Variants in AKAP13 observed in about 807,000 individuals in gnomAD.
AKAP13 encodes the protein A-kinase anchor protein 13.
A neutral mutation model predicts 264.5 loss-of-function variants in AKAP13; 80 were observed. The observed-to-expected ratio is 0.30, with a 90% confidence interval of 0.25 to 0.36. The LOEUF (loss-of-function observed/expected upper bound fraction) is 0.36, where lower values mean the gene tolerates loss of function less well. AKAP13 is among the 10% of genes least tolerant of loss of function. AKAP13 has a pLI of 1.00. For missense variants in AKAP13, 3,712 were observed against 3,435.2 expected, an observed-to-expected ratio of 1.08 and a Z score of -2.01; for synonymous variants, 1,380 against 1,250.2, an observed-to-expected ratio of 1.10 and a Z score of -2.19.
At chr15:85,736,329 C>A (rs954764425) in intron 33 of AKAP13, among the ~76,000 whole-genome samples, 195 bp downstream of exon 33, 7 of 151,944 alleles carry the variant, frequency 4.6e-5, no homozygotes, top group African/African-American at 1.7e-4. Context: ...GGGGCACCAT[C>A]TTGGAATTTT....
intron 2 of AKAP13, among the ~76,000 whole-genome samples, chr15:85,515,591 T>C (rs543320471): frequency 7.2e-6 from 1 of 139,276 alleles, no homozygotes; most frequent in Non-Finnish European, 1.5e-5. Context: ...TTGTGTTTAG[T>C]TGGCAAATCT....
intron 1 of AKAP13, among the ~76,000 whole-genome samples, chr15:85,422,749 T>TCAG (rs2072580462): frequency 6.6e-6 from 1 of 152,252 alleles, no homozygotes; most frequent in African/African-American, 2.4e-5. Context: ...CAAACCCATC[T>TCAG]CAGCAATGCA....
chr15:85,455,787 A>T (rs1179623918), intron 1 of AKAP13, among the ~76,000 whole-genome samples: 3 of 152,198 alleles, frequency 2.0e-5, no homozygotes, highest in Non-Finnish European at 2.9e-5. Context: ...AAAACTCAAT[A>T]GATTACAGAT....
At chr15:85,656,489 C>G (rs372042169) in intron 11 of AKAP13, among the ~76,000 whole-genome samples, 1 of 152,200 alleles carries the variant, frequency 6.6e-6, no homozygotes, top group Non-Finnish European at 1.5e-5. Context: ...CTCTGTCACC[C>G]AGGCTGGAGT....
intron 6 of AKAP13, 66 bp downstream of exon 6, chr15:85,575,395 C>T: frequency 1.4e-6 from 2 of 1,443,912 alleles, no homozygotes; most frequent in Non-Finnish European, 9.7e-7. Context: ...ATGTGTGTGT[C>T]CCCGCCCTCC....
intron 1 of AKAP13, among the ~76,000 whole-genome samples, chr15:85,459,748 C>G (rs1046226530): frequency 2.0e-5 from 3 of 152,188 alleles, no homozygotes; most frequent in Non-Finnish European, 2.9e-5. Flanking sequence ...ATCCGCCTGC[C>G]TCAGCCTCCC....
intron 1 of AKAP13, among the ~76,000 whole-genome samples, chr15:85,405,620 A>G (rs2071624547): frequency 6.6e-6 from 1 of 152,200 alleles, no homozygotes; most frequent in African/African-American, 2.4e-5. Context: ...GAAATATGAG[A>G]TACAAAGAAG....
intron 17 of AKAP13, among the ~76,000 whole-genome samples, chr15:85,703,854 AT>A (rs1257766284): frequency 1.5e-3 from 166 of 108,546 alleles, no homozygotes; most frequent in African/African-American, 4.5e-3. Flanking sequence ...AAAAAAAAAA[AT>A]ATATATATAT....
At position 85,580,492 on chromosome 15, in the gene AKAP13, G is replaced by T; in HGVS notation, c.2424G>T (p.Gln808His). ...KDDALSFVPS[Q>H]KEKGTATPEL... Reference sequence around the variant, plus strand: ...ACGCACTTTCTTTTGTCCCCTCCCAGAAAGAAAAGGGAACAGCAACTCCTG... The same window carrying T: ...ACGCACTTTCTTTTGTCCCCTCCCATAAAGAAAAGGGAACAGCAACTCCTG... Residue 808 changes from glutamine (Q) to histidine (H), a missense_variant, in exon 7 of 37, where the codon CAG (glutamine) becomes CAT (histidine). Gln to His is a conservative substitution (Grantham distance 24). Transcript: ENST00000394518. 1 of 1,614,134 alleles carries T rather than the reference G, an allele frequency of 6.2e-7. No homozygotes were observed. The highest frequency in any genetic ancestry group is 8.5e-7 in the Non-Finnish European group (1 of 1,180,028).
At chr15:85,393,995 G>A (rs2070992974) in intron 1 of AKAP13, among the ~76,000 whole-genome samples, 3 of 152,152 alleles carry the variant, frequency 2.0e-5, no homozygotes, top group African/African-American at 7.2e-5. Flanking sequence ...TAGAATTGTG[G>A]AACTGTATTT....
At chr15:85,479,200 T>C (rs2075277582) in intron 1 of AKAP13, among the ~76,000 whole-genome samples, 1 of 152,248 alleles carries the variant, frequency 6.6e-6, no homozygotes, top group Non-Finnish European at 1.5e-5. Flanking sequence ...TTGTTCAGAA[T>C]TTCTAGCTCA....
chr15:85,642,417 G>A (rs890115826), intron 9 of AKAP13, among the ~76,000 whole-genome samples: 1 of 152,132 alleles, frequency 6.6e-6, no homozygotes, highest in Non-Finnish European at 1.5e-5. Flanking sequence ...TAGATATGCC[G>A]CTCCCCTTTA....
In AKAP13 at chr15:85,639,397, A is replaced by G. The variant is rs777242835; in HGVS notation, c.4185A>G (p.Thr1395=). 6.2e-7 allele frequency: 1 copy of G among 1,612,430 alleles called. No homozygotes were observed. Among genetic ancestry groups the G allele is most frequent in the Non-Finnish European group, 8.5e-7 (1 of 1,179,512 alleles). Residue 1395 remains threonine, a synonymous_variant, in exon 9 of 37, where the codon ACA becomes ACG. Coordinates refer to ENST00000394518, the MANE Select transcript of AKAP13 (RefSeq NM_007200.5). ...AGATAAACCGAGAAAACTGGTGTACAATAGAGCCATGCCCTGATGCAGCAT... is the reference window on the plus strand; with the variant it reads ...AGATAAACCGAGAAAACTGGTGTACGATAGAGCCATGCCCTGATGCAGCAT... ...TQAINRENWC[T]IEPCPDAASL... is the part of the protein sequence containing the mutation.
intron 1 of AKAP13, among the ~76,000 whole-genome samples, chr15:85,392,539 T>TA (rs1366453767): frequency 1.3e-5 from 2 of 152,182 alleles, no homozygotes; most frequent in Non-Finnish European, 2.9e-5. Flanking sequence ...AGAATAATCT[T>TA]AATCGTAAAT....
chr15:85,725,069 C>A (rs2087531384), intron 26 of AKAP13, among the ~76,000 whole-genome samples: 2 of 152,286 alleles, frequency 1.3e-5, no homozygotes, highest in Admixed American at 6.5e-5. Flanking sequence ...TTGCCTGGAT[C>A]CAGCGCTTTA....
intron 1 of AKAP13, among the ~76,000 whole-genome samples, chr15:85,382,639 A>G (rs1473087223): frequency 2.0e-5 from 3 of 152,222 alleles, no homozygotes; most frequent in Admixed American, 6.5e-5. Context: ...TGTAGGTACT[A>G]TTGTTTTAGG....
chr15:85,666,478 T>C (rs1193858714), intron 13 of AKAP13, among the ~76,000 whole-genome samples: 2 of 152,192 alleles, frequency 1.3e-5, no homozygotes, highest in Non-Finnish European at 2.9e-5. Flanking sequence ...GGTCGCCTGT[T>C]CACTCTGATG....
At chr15:85,447,474 G>A (rs901715396) in intron 1 of AKAP13, among the ~76,000 whole-genome samples, 1 of 151,982 alleles carries the variant, frequency 6.6e-6, no homozygotes, top group Admixed American at 6.5e-5. Flanking sequence ...CATCACCCAG[G>A]TATTAAGTTC....
At chr15:85,492,986 C>A (rs2075772916) in intron 2 of AKAP13, among the ~76,000 whole-genome samples, 1 of 152,196 alleles carries the variant, frequency 6.6e-6, no homozygotes, top group African/African-American at 2.4e-5. Flanking sequence ...CACTTTCCCC[C>A]TCTAAAGTTG....
Sources: gnomAD v4.1 joint callset for allele counts (sites outside exome capture counted in the v4.1 genomes callset) on GRCh38, gnomAD v4.1.1 for gene constraint, MANE v1.5 for transcripts, NCBI Gene and HGNC (gene_info 2026-07-23, HGNC 2026-07-21) for gene names.